CYLD: variants seen among roughly 807,000 people sequenced by gnomAD.
CYLD encodes CYLD lysine 63 deubiquitinase.
Under a neutral mutation model 104.5 loss-of-function variants are expected in CYLD, and 26 were observed. That is an observed-to-expected ratio of 0.25 (90% confidence interval 0.18 to 0.35). The LOEUF is 0.35. Ranked by LOEUF, CYLD falls within the 10% of genes least tolerant of loss-of-function variation. The pLI, the probability that CYLD is intolerant of heterozygous loss-of-function variation, is 1.00. For missense variants in CYLD, 703 were observed against 1,136.1 expected (o/e 0.62, Z 5.48); for synonymous variants, 385 against 399.9 (o/e 0.96, Z 0.45).
intron 5 of CYLD, among the ~76,000 whole-genome samples, chr16:50,762,809 A>G (rs1420121830): frequency 6.6e-6 from 1 of 152,216 alleles, no homozygotes; most frequent in African/African-American, 2.4e-5. Context: ...GATGCATTAT[A>G]AAGCATATTT....
chr16:50,745,912 A>G (rs1966154151), intron 2 of CYLD, among the ~76,000 whole-genome samples: 1 of 152,192 alleles, frequency 6.6e-6, no homozygotes, highest in African/African-American at 2.4e-5. Context: ...TGCACATCCC[A>G]GTGAAAGTAG....
chr16:50,749,543 C>A, intron 2 of CYLD, 33 bp from the exon 3 acceptor site: 1 of 714,872 alleles, frequency 1.4e-6, no homozygotes, highest in Non-Finnish European at 2.3e-6. Flanking sequence ...TTTGCTTTTT[C>A]ACTAGGCATT....
At chr16:50,779,500 C>T (rs888421179) in intron 8 of CYLD, among the ~76,000 whole-genome samples, 165 bp from the exon 9 acceptor site, 14 of 151,902 alleles carry the variant, frequency 9.2e-5, no homozygotes, top group African/African-American at 2.9e-4. Context: ...GAGAGAGGAG[C>T]GAGAACACTG....
Position 50,797,503 on chromosome 16 carries a change from A to T in CYLD, c.*995A>T. 1 of 232,536 alleles carries T rather than the reference A, an allele frequency of 4.3e-6. No homozygotes were observed. The highest frequency in any genetic ancestry group is 6.0e-5 in the East Asian group (1 of 16,534). The allele number at this position is 232,536 out of a possible 1,614,324, so 14.4% of individuals were successfully genotyped here. A position where few individuals can be genotyped will look rare whatever the true frequency, so the allele number is the denominator to read the frequency against. ...GTGTAGTTTCACTTGATAGAATCAG[A>T]TATGTTATCGAAATGTTAGCAGCAG... On this transcript the variant is annotated 3_prime_UTR_variant, in exon 19 of 19. Transcript: ENST00000427738.
rs138015942 is a variant in CYLD at position 50,750,647 on chromosome 16, A to G, written c.504+445A>G. Among the ~76,000 whole-genome samples, 23 of 152,330 alleles carry G rather than the reference A, an allele frequency of 1.5e-4. No homozygotes were observed. The East Asian group carries it at 4.4e-3, about 29-fold the overall frequency. On this transcript the variant is annotated intron_variant, in intron 3 of 18. Transcript: ENST00000427738. ...GTCGAAACTTAAAAAACTATGTACT[A>G]TGGTAGGAACATACAAAGAGATTCA...
chr16:50,749,473 AAATTTT>A, intron 2 of CYLD, 97 bp from the exon 3 acceptor site: 1 of 584,904 alleles, frequency 1.7e-6, no homozygotes. Context: ...GGTCAAATGA[AAATTTT>A]AAAAGTCTTC....
intron 9 of CYLD, 132 bp from the exon 10 acceptor site, chr16:50,781,114 G>T: frequency 1.1e-6 from 1 of 924,870 alleles, no homozygotes; most frequent in African/African-American, 1.6e-5. Flanking sequence ...TTCTTGATGA[G>T]GTTCTCAGTA....
chr16:50,781,168 G>A, intron 9 of CYLD, 78 bp from the exon 10 acceptor site: 2 of 1,503,348 alleles, frequency 1.3e-6, no homozygotes, highest in Admixed American at 1.7e-5. Context: ...ACTAGAAACA[G>A]GTCTTAGAAA....
intron 2 of CYLD, among the ~76,000 whole-genome samples, chr16:50,744,310 C>T (rs752663129): frequency 2.4e-4 from 37 of 152,048 alleles, no homozygotes; most frequent in Non-Finnish European, 5.0e-4. Context: ...CACGGAATCT[C>T]TGTATCTCTA....
In CYLD at chr16:50,787,817, T is replaced by C. The variant is rs1431026845; in HGVS notation, c.2073T>C (p.His691=). ...AGGAATTCTTGAATATTCTGTTTCA[T>C]CATATTTTAAGGGTAGAACCTTTGC... The part of the protein sequence containing the change: ...DPEEFLNILF[H]HILRVEPLLK... Residue 691 remains histidine, a synonymous_variant, in exon 14 of 19, where the codon CAT becomes CAC. Coordinates refer to ENST00000427738, the MANE Select transcript of CYLD (RefSeq NM_001378743.1). The C allele has an allele frequency of 5.1e-6, 8 of 1,561,552 alleles. No homozygotes were observed. The highest frequency in any genetic ancestry group is 1.4e-5 in the African/African-American group (1 of 73,858).
chr16:50,781,749 A>G lies in CYLD; in HGVS notation c.1684+338A>G, dbSNP rs950557211. 7.2e-5 allele frequency among the ~76,000 whole-genome samples: 11 copies of G among 151,766 alleles called. No homozygotes were observed. In the East Asian group the frequency reaches 1.9e-3, roughly 27 times the overall value. ...TTTTTTTTTTACTGACTTCCCTCAC[A>G]GTGTCTTGTTTACAGCAGTGAGTGT... On this transcript the variant is annotated intron_variant, in intron 10 of 18. Transcript: ENST00000427738.
intron 12 of CYLD, 60 bp from the exon 13 acceptor site, chr16:50,786,795 A>C: frequency 8.5e-7 from 1 of 1,175,216 alleles, no homozygotes; most frequent in South Asian, 1.3e-5. Context: ...ATATGTGATT[A>C]AGATGTGTTA....
rs192727371 is a variant in CYLD, at chr16:50,782,165, A to G, written c.1685-160A>G. Among the ~76,000 whole-genome samples the G allele has an allele frequency of 5.0e-4, 76 of 152,350 alleles. 1 individual carries two copies. The highest frequency in any genetic ancestry group is 4.1e-3 in the Admixed American group (62 of 15,302). On this transcript the variant is annotated intron_variant, in intron 10 of 18. Transcript: ENST00000427738. ...GAACAATAGCAATTTTTATAAGCCA[A>G]GTCAAATAGCAGTTAACCAAAGCCT...
chr16:50,754,119 G>GA (rs1433932372), intron 4 of CYLD, among the ~76,000 whole-genome samples, 200 bp from the exon 5 acceptor site: 1 of 151,904 alleles, frequency 6.6e-6, no homozygotes, highest in African/African-American at 2.4e-5. Context: ...TTTCCCTAAA[G>GA]AAAAAAATGA....
intron 5 of CYLD, among the ~76,000 whole-genome samples, chr16:50,767,771 C>T (rs1968680731): frequency 6.6e-6 from 1 of 152,132 alleles, no homozygotes; most frequent in African/African-American, 2.4e-5. Context: ...CCCACACACA[C>T]ACTCTAGAGC....
intron 18 of CYLD, chr16:50,795,765 C>T (rs1430844578): frequency 1.7e-6 from 1 of 579,938 alleles, no homozygotes; most frequent in Non-Finnish European, 3.1e-6. Context: ...AACACAACAG[C>T]ATAGGTTTGG....
intron 5 of CYLD, among the ~76,000 whole-genome samples, chr16:50,773,896 C>T (rs1969396264): frequency 6.6e-6 from 1 of 152,164 alleles, no homozygotes; most frequent in Admixed American, 6.5e-5. Flanking sequence ...TTGACCCCCT[C>T]TCAGACAGCC....
intron 5 of CYLD, among the ~76,000 whole-genome samples, chr16:50,767,294 T>A (rs1030164421): frequency 1.1e-4 from 16 of 152,196 alleles, no homozygotes; most frequent in Non-Finnish European, 2.9e-5. Context: ...AATAACATAA[T>A]GGTATTGCAC....
chr16:50,751,930 T>A (rs775035809), intron 4 of CYLD, 24 bp downstream of exon 4: 10 of 1,421,182 alleles, frequency 7.0e-6, no homozygotes, highest in Non-Finnish European at 8.8e-6. Context: ...GGATTAAATA[T>A]CTTTGTGATA....
Sources: allele counts gnomAD v4.1 joint callset (sites outside exome capture counted in the v4.1 genomes callset), GRCh38; gene constraint gnomAD v4.1.1; transcripts MANE v1.5; gene names NCBI Gene and HGNC (gene_info 2026-07-23, HGNC 2026-07-21).